The following GGTA1 variants were observed in gnomAD, a reference collection of about 807,000 sequenced individuals.
The protein encoded by GGTA1 is glycoprotein alpha-galactosyltransferase 1 (inactive).
GGTA1 carries 5 observed loss-of-function variants against 2.6 expected under a neutral mutation model. The observed-to-expected ratio is 1.92, with a 90% CI of 1.00 to 4.04. The LOEUF is 4.04. Ranked by LOEUF, GGTA1 falls within the 30% of genes most tolerant of loss-of-function variation. GGTA1 has a pLI of 0.00. For synonymous variants in GGTA1, 17 were observed against 5.0 expected (o/e 3.38, Z -3.19); for missense variants, 50 against 16.7 (o/e 2.99, Z -3.47).
At chr9:121,499,456 A>G (rs1829060022) in intron 1 of GGTA1, among the ~76,000 whole-genome samples, 194 bp downstream of exon 1, 1 of 152,100 alleles carries the variant, frequency 6.6e-6, no homozygotes, top group Non-Finnish European at 1.5e-5. Context: ...GGACAGAGGG[A>G]CAGAAACTGG....
chr9:121,485,363 C>CA (rs1828737348), intron 1 of GGTA1, among the ~76,000 whole-genome samples: 1 of 152,064 alleles, frequency 6.6e-6, no homozygotes, highest in Non-Finnish European at 1.5e-5. Flanking sequence ...GGCTATGTGA[C>CA]AGAGTCCCCA....
intron 1 of GGTA1, among the ~76,000 whole-genome samples, chr9:121,478,841 G>GA (rs1331759629): frequency 2.6e-5 from 4 of 152,256 alleles, no homozygotes; most frequent in African/African-American, 9.6e-5. Flanking sequence ...GCCTGGTCTG[G>GA]AAATCACTGC....
chr9:121,464,708 C>G (rs2064989614), intron 2 of GGTA1, among the ~76,000 whole-genome samples: 1 of 152,346 alleles, frequency 6.6e-6, no homozygotes, highest in Admixed American at 6.5e-5. Context: ...ACTTGTAGTT[C>G]CCATCATGAT....
At chr9:121,472,703 A>G (rs916456981) in intron 1 of GGTA1, among the ~76,000 whole-genome samples, 18 of 133,988 alleles carry the variant, frequency 1.3e-4, no homozygotes, top group East Asian at 9.9e-4. Flanking sequence ...ACAACCCCCT[A>G]TGTGTGCCGA....
chr9:121,484,381 A>G (rs1178993770), intron 1 of GGTA1, among the ~76,000 whole-genome samples: 1 of 150,982 alleles, frequency 6.6e-6, no homozygotes, highest in Non-Finnish European at 1.5e-5. Context: ...TTTTTTTGAG[A>G]CGGAGTCTCG....
chr9:121,498,955 GCCATTT>G (rs1202185919), intron 1 of GGTA1, among the ~76,000 whole-genome samples: 1 of 148,692 alleles, frequency 6.7e-6, no homozygotes, highest in African/African-American at 2.5e-5. Context: ...CCGTTTTCCT[GCCATTT>G]CCAAACGCGG....
chr9:121,463,425 G>A (rs532157386), intron 2 of GGTA1, 97 bp from the exon 3 acceptor site: 29 of 404,764 alleles, frequency 7.2e-5, no homozygotes, highest in Non-Finnish European at 1.1e-4. Context: ...GCTGAGCTAA[G>A]AGCCTGGGTT....
At chr9:121,485,915 A>G (rs1828745988) in intron 1 of GGTA1, among the ~76,000 whole-genome samples, 1 of 152,166 alleles carries the variant, frequency 6.6e-6, no homozygotes, top group African/African-American at 2.4e-5. Context: ...TTCTAAGATT[A>G]TATAATCTCA....
intron 3 of GGTA1, among the ~76,000 whole-genome samples, chr9:121,461,724 C>T (rs892745665): frequency 5.9e-5 from 9 of 152,196 alleles, no homozygotes; most frequent in Admixed American, 4.6e-4. Flanking sequence ...AACAGACCTA[C>T]CATGAAGGTA....
At chr9:121,487,633 G>A (rs1051023733) in intron 1 of GGTA1, among the ~76,000 whole-genome samples, 3 of 148,754 alleles carry the variant, frequency 2.0e-5, no homozygotes, top group Non-Finnish European at 3.0e-5. Flanking sequence ...AAGAACCAGC[G>A]CACTAGCGCC....
chr9:121,445,750 T>C (rs1042603897), exon 8 of GGTA1: 1 of 152,206 alleles, frequency 6.6e-6, no homozygotes, highest in African/African-American at 2.4e-5. Flanking sequence ...ACTTCTATAG[T>C]GCAGATGGAG....
intron 1 of GGTA1, among the ~76,000 whole-genome samples, chr9:121,496,218 C>T (rs1828989459): frequency 6.6e-6 from 1 of 152,198 alleles, no homozygotes; most frequent in Non-Finnish European, 1.5e-5. Flanking sequence ...ACCCCCAAAT[C>T]TTAGCTTTTG....
chr9:121,467,752 T>G, intron 2 of GGTA1, 91 bp downstream of exon 2: 4 of 400,020 alleles, frequency 1.0e-5, no homozygotes, highest in South Asian at 7.4e-5. Context: ...TAATCCTAAT[T>G]TCAATTCAGC....
intron 1 of GGTA1, among the ~76,000 whole-genome samples, chr9:121,496,430 T>G (rs1828993420): frequency 6.6e-6 from 1 of 151,874 alleles, no homozygotes; most frequent in Admixed American, 6.6e-5. Context: ...TAAAATTCAA[T>G]CGTAAAAAAT....
rs115708872 is a variant in GGTA1, at chr9:121,488,390, C to T, written c.-10+11260G>A. Among the ~76,000 whole-genome samples the T allele has an allele frequency of 7.2e-3, 1,099 of 152,238 alleles. 13 individuals carry two copies. The highest frequency in any genetic ancestry group is 0.023 in the African/African-American group (944 of 41,522). On this transcript the variant is annotated intron_variant, in intron 1 of 5. Transcript: ENST00000481799. ...CGTTCTAAACCCTGGGGATTCAGCT[C>T]TGAACCAAACGCAAGGGTTATAAGA...
rs548431957 is a variant in GGTA1 at position 121,499,650 on chromosome 9, C to G, written c.-10G>C. The G allele has an allele frequency of 6.6e-6, 1 of 152,426 alleles. No individual in the cohort carries two copies. The highest frequency in any genetic ancestry group is 6.5e-5 in the Admixed American group (1 of 15,286). 9.4% of individuals were successfully genotyped at this position (152,426 alleles called of 1,614,324 possible). Reference sequence around the variant, plus strand: ...CTGGGCGGCTCCCCGCGGGACCCACCTGATCCGCAGAACCAGGGCGCCGAG... The same window carrying G: ...CTGGGCGGCTCCCCGCGGGACCCACGTGATCCGCAGAACCAGGGCGCCGAG... On this transcript the variant is annotated splice_region_variant and 5_prime_UTR_variant, in exon 1 of 6. Transcript: ENST00000481799.
At chr9:121,452,354 A>AG (rs1015679453), downstream of GGTA1, 3 of 152,502 alleles carry the variant, frequency 2.0e-5, no homozygotes, top group Non-Finnish European at 4.4e-5. Flanking sequence ...TCCAAGGATA[A>AG]GGGGGGTCAG....
chr9:121,448,410 T>C (rs984101898), intron 7 of GGTA1, among the ~76,000 whole-genome samples: 3 of 152,164 alleles, frequency 2.0e-5, no homozygotes, highest in Non-Finnish European at 4.4e-5. Flanking sequence ...TCATGTTACA[T>C]AGTCATCCTA....
At chr9:121,483,235 C>T (rs932932057) in intron 1 of GGTA1, among the ~76,000 whole-genome samples, 3 of 152,122 alleles carry the variant, frequency 2.0e-5, no homozygotes, top group African/African-American at 7.2e-5. Flanking sequence ...CTGAGAGTCT[C>T]AGTGACTCAT....
Sources: gnomAD v4.1 joint callset for allele counts (sites outside exome capture counted in the v4.1 genomes callset) on GRCh38, gnomAD v4.1.1 for gene constraint, MANE v1.5 for transcripts, NCBI Gene and HGNC (gene_info 2026-07-23, HGNC 2026-07-21) for gene names.